Variants in GOLGA1 observed in about 807,000 individuals in gnomAD.
The protein encoded by GOLGA1 is golgin subfamily A member 1.
GOLGA1 carries 63 observed loss-of-function variants against 119.7 expected under a neutral mutation model. The ratio of observed to expected loss-of-function variants is 0.53; its 90% CI spans 0.43 to 0.65. The LOEUF (loss-of-function observed/expected upper bound fraction) is 0.65, where lower values mean the gene tolerates loss of function less well. Ranked by LOEUF, GOLGA1 falls within the 30% of genes least tolerant of loss-of-function variation. The pLI is 0.00. For missense variants in GOLGA1, 798 were observed against 912.8 expected (o/e 0.87, Z 1.62); for synonymous variants, 318 against 333.4 (o/e 0.95, Z 0.50).
rs189674576 is a variant in GOLGA1, at chr9:124,905,973, C to T, written c.1065+2404G>A. On this transcript the variant is annotated intron_variant, in intron 12 of 22. Coordinates refer to ENST00000373555, the MANE Select transcript of GOLGA1 (RefSeq NM_002077.4). Reference sequence around the variant, plus strand: ...GCTAAAAATACAAAAATTAGTCGGGCGTGGTGGCACGTGCCTGTAATTCCA... The same window carrying T: ...GCTAAAAATACAAAAATTAGTCGGGTGTGGTGGCACGTGCCTGTAATTCCA... Among the ~76,000 whole-genome samples, 5 of 151,006 alleles carry T rather than the reference C, an allele frequency of 3.3e-5. No homozygotes were observed. The East Asian group carries it at 9.8e-4, about 30-fold the overall frequency.
chr9:124,889,566 G>A (rs1395915487), intron 16 of GOLGA1, 30 bp from the exon 17 acceptor site: 8 of 1,355,880 alleles, frequency 5.9e-6, no homozygotes, highest in Non-Finnish European at 8.5e-6. Flanking sequence ...AAGAGGGAAG[G>A]TTGTGAGCAG....
At chr9:124,882,399 A>T in intron 20 of GOLGA1, 111 bp downstream of exon 20, 1 of 757,424 alleles carries the variant, frequency 1.3e-6, no homozygotes, top group Non-Finnish European at 2.2e-6. Context: ...CCTTGCAATT[A>T]ATTAGGGGGT....
chr9:124,893,293 C>CT (rs1044521150), intron 15 of GOLGA1, among the ~76,000 whole-genome samples: 2 of 151,982 alleles, frequency 1.3e-5, no homozygotes, highest in African/African-American at 4.8e-5. Context: ...TATTTGATTC[C>CT]TTTTTTAAAA....
intron 14 of GOLGA1, 86 bp from the exon 15 acceptor site, chr9:124,898,730 T>C (rs1421477134): frequency 5.0e-6 from 4 of 793,312 alleles, no homozygotes; most frequent in Non-Finnish European, 8.7e-6. Context: ...GAAGAAGGCA[T>C]AGGGAGGAAC....
At chr9:124,940,333 T>A (rs896518508) in intron 1 of GOLGA1, among the ~76,000 whole-genome samples, 178 bp from the exon 2 acceptor site, 1 of 152,188 alleles carries the variant, frequency 6.6e-6, no homozygotes, top group Non-Finnish European at 1.5e-5. Flanking sequence ...TGATCTCCTA[T>A]GAAATTGTTT....
chr9:124,913,423 A>G (rs1350989286), intron 10 of GOLGA1, among the ~76,000 whole-genome samples: 1 of 152,220 alleles, frequency 6.6e-6, no homozygotes, highest in Non-Finnish European at 1.5e-5. Context: ...GTACCTCTTT[A>G]CATGTACTCT....
At chr9:124,941,699 A>G (rs1368666922), upstream of GOLGA1, among the ~76,000 whole-genome samples, 1 of 152,218 alleles carries the variant, frequency 6.6e-6, no homozygotes, top group African/African-American at 2.4e-5. Context: ...TTACTATGTA[A>G]TGCACTTAAA....
chr9:124,909,967 C>A (rs1176431914), intron 11 of GOLGA1, among the ~76,000 whole-genome samples: 1 of 151,998 alleles, frequency 6.6e-6, no homozygotes, highest in African/African-American at 2.4e-5. Flanking sequence ...GACAGAGTCT[C>A]GCTCTGTCAC....
At chr9:124,893,734 C>G (rs1333002093) in intron 15 of GOLGA1, among the ~76,000 whole-genome samples, 1 of 152,190 alleles carries the variant, frequency 6.6e-6, no homozygotes, top group Non-Finnish European at 1.5e-5. Context: ...ATTCCCCTAA[C>G]TCTGAGAAAC....
Position 124,939,563 on chromosome 9 carries a change from T to C in GOLGA1, c.-156+543A>G, listed in dbSNP as rs1326946829. Among the ~76,000 whole-genome samples, 31 of 127,864 alleles carry C rather than the reference T, an allele frequency of 2.4e-4. No individual in the cohort carries two copies. In the South Asian group the frequency reaches 8.3e-3, roughly 34 times the overall value. 83.9% of individuals were successfully genotyped at this position (127,864 alleles called of 152,430 possible). ...TTTTCTTTCTTTCTTTTTTTTTTTT[T>C]TTTTTTTTTTTTTTTTGAGATGGAG... On this transcript the variant is annotated intron_variant, in intron 2 of 22. Coordinates refer to ENST00000373555, the MANE Select transcript of GOLGA1 (RefSeq NM_002077.4).
chr9:124,927,032 T>C (rs1322533045), intron 6 of GOLGA1, among the ~76,000 whole-genome samples: 4 of 152,202 alleles, frequency 2.6e-5, no homozygotes, highest in Admixed American at 6.5e-5. Context: ...TCTGCTGTTC[T>C]GATGCAGCTT....
chr9:124,941,842 A>G (rs956652792), upstream of GOLGA1, among the ~76,000 whole-genome samples: 8 of 152,232 alleles, frequency 5.3e-5, no homozygotes, highest in African/African-American at 1.9e-4. Flanking sequence ...GCTACTCGGA[A>G]GACCGAGGTG....
chr9:124,899,533 A>C, intron 13 of GOLGA1, 55 bp from the exon 14 acceptor site: 1 of 1,498,490 alleles, frequency 6.7e-7, no homozygotes, highest in East Asian at 2.5e-5. Context: ...CCAGTGGGGG[A>C]TCTTAGTCTG....
At chr9:124,937,367 C>T (rs1014010894) in intron 3 of GOLGA1, among the ~76,000 whole-genome samples, 9 of 151,908 alleles carry the variant, frequency 5.9e-5, no homozygotes, top group East Asian at 1.9e-4. Flanking sequence ...GCAGGAGAAT[C>T]GCCTGAACCC....
Position 124,938,678 on chromosome 9 carries a change from C to A in GOLGA1, c.34G>T (p.Glu12Ter). Residue 12 changes from glutamate (E) to a stop codon, truncating the protein, a stop_gained, in exon 3 of 23, where the codon GAG becomes TAG. Transcript: ENST00000373555. LOFTEE classifies it high-confidence loss of function. ...CCTGGCCTCTGAGCAACAGCAGTCT[C>A]TTCTGCAATTTTCTTCTTCAGTTTT... ...FAKLKKKIAE[E>*]TAVAQRPGGA... The A allele has an allele frequency of 6.2e-7, 1 of 1,613,590 alleles. No homozygotes were observed. Among genetic ancestry groups the A allele is most frequent in the Non-Finnish European group, 8.5e-7 (1 of 1,179,652 alleles).
At chr9:124,899,287 C>A (rs371412587) in intron 14 of GOLGA1, 42 bp downstream of exon 14, 5 of 1,510,942 alleles carry the variant, frequency 3.3e-6, no homozygotes, top group Non-Finnish European at 4.5e-6. Flanking sequence ...TGTGGGGGAC[C>A]CTGGTGCTCC....
chr9:124,896,562 C>G (rs1047678813), intron 15 of GOLGA1, among the ~76,000 whole-genome samples: 1 of 152,246 alleles, frequency 6.6e-6, no homozygotes, highest in Non-Finnish European at 1.5e-5. Context: ...TGCTTCTGCT[C>G]ATGCCTCCCT....
rs751754052 is a variant in GOLGA1 at position 124,929,321 on chromosome 9, A to C, written c.227-31T>G. 3.8e-6 allele frequency: 5 copies of C among 1,317,002 alleles called. No individual in the cohort carries two copies. The South Asian group carries it at 5.9e-5, about 16-fold the overall frequency. The allele number at this position is 1,317,002 out of a possible 1,614,324, so 81.6% of individuals were successfully genotyped here. A position where few individuals can be genotyped will look rare whatever the true frequency, so the allele number is the denominator to read the frequency against. ...GTGAGGAGGGTGACGCACATACCAG[A>C]AATGGACAAACATCAGGAAAGGAAG... On this transcript the variant is annotated intron_variant, in intron 4 of 22. Coordinates refer to ENST00000373555, the MANE Select transcript of GOLGA1 (RefSeq NM_002077.4).
rs1240297348 is a variant in GOLGA1 at position 124,879,542 on chromosome 9, C to G, written c.*988G>C. 1 of 151,790 alleles carries G rather than the reference C, an allele frequency of 6.6e-6. No individual in the cohort carries two copies. The highest frequency in any genetic ancestry group is 1.5e-5 in the Non-Finnish European group (1 of 67,992). 9.4% of individuals were successfully genotyped at this position (151,790 alleles called of 1,614,324 possible). ...CCCCCACTGGAGACAGCGGACTGTC[C>G]TTCAGTAGAAGACAGGTGGTCTGCA... On this transcript the variant is annotated 3_prime_UTR_variant, in exon 23 of 23. Transcript: ENST00000373555.
Sources: allele counts gnomAD v4.1 joint callset (sites outside exome capture counted in the v4.1 genomes callset), GRCh38; gene constraint gnomAD v4.1.1; transcripts MANE v1.5; gene names NCBI Gene and HGNC (gene_info 2026-07-23, HGNC 2026-07-21).